Variants in THOC2 observed in about 807,000 individuals in gnomAD.
THOC2 encodes THO complex subunit 2, also known as THO complex 2.
In THOC2, 10 loss-of-function variants were observed where a neutral mutation model predicts 128.4. The ratio of observed to expected loss-of-function variants is 0.08; its 90% CI spans 0.05 to 0.13. The LOEUF (loss-of-function observed/expected upper bound fraction) is 0.13, where lower values mean the gene tolerates loss of function less well. THOC2 is among the 10% of genes least tolerant of loss of function. THOC2 has a pLI of 1.00. For synonymous variants in THOC2, 393 were observed against 396.9 expected (o/e 0.99, Z 0.12); for missense variants, 535 against 1,155.7 (o/e 0.46, Z 7.79).
chrX:123,698,488 T>A (rs1264696830), intron 4 of THOC2, among the ~76,000 whole-genome samples: 1 of 101,880 alleles, frequency 9.8e-6, no homozygotes, highest in Admixed American at 1.1e-4. Flanking sequence ...ATCCTAATAC[T>A]CATGAAGATC....
chrX:123,730,185 T>G (rs1304579187), intron 1 of THOC2, among the ~76,000 whole-genome samples: 5 of 109,196 alleles, frequency 4.6e-5, no homozygotes, highest in Admixed American at 9.7e-5. Context: ...GGTTTTTGTT[T>G]TTTTTTTTTT....
At chrX:123,717,000 A>G (rs935101591) in intron 1 of THOC2, among the ~76,000 whole-genome samples, 14 of 112,047 alleles carry the variant, frequency 1.2e-4, no homozygotes, top group African/African-American at 4.2e-4. Context: ...ATTATATTCA[A>G]TAGTGAAAAG....
chrX:123,703,890 T>TAAAAAAAAAAAAAAAAAAAAAAAA (rs774877149), intron 3 of THOC2, among the ~76,000 whole-genome samples: 1 of 37,029 alleles, frequency 2.7e-5, no homozygotes, highest in African/African-American at 1.5e-4. Context: ...ACTCTGTCTT[T>TAAAAAAAAAAAAAAAAAAAAAAAA]AAAAAAAAAA....
chrX:123,653,220 T>C lies in THOC2; in HGVS notation c.1387-7845A>G, dbSNP rs758353489. The stretch of plus-strand genomic sequence containing the variant: ...GGTGTTGGAAAACTGGCTAGCCATA[T>C]GCAGAAAACTGAAACTGGACCCCTT... On this transcript the variant is annotated intron_variant, in intron 12 of 38. Coordinates refer to ENST00000245838, the MANE Select transcript of THOC2 (RefSeq NM_001081550.2). Among the ~76,000 whole-genome samples, 3 of 112,240 alleles carry C rather than the reference T, an allele frequency of 2.7e-5. No homozygotes were observed. In the East Asian group the frequency reaches 8.4e-4, roughly 31 times the overall value.
In THOC2 at chrX:123,621,267, A is replaced by G. The variant is rs2047073552; in HGVS notation, c.4106T>C (p.Ile1369Thr). ...TTCCTTTGATTTCATTTCCTTTGCT[A>G]TATCTCTTTCTCTGGATGGCTCCTT... The part of the protein sequence containing the change: ...REKEPSRERD[I>T]AKEMKSKENV... Residue 1369 changes from isoleucine to threonine, a missense_variant, in exon 31 of 39, where the codon ATA (isoleucine) becomes ACA (threonine). Physicochemically the swap from Ile to Thr is moderately conservative, Grantham distance 89. This residue lies in a region of THOC2 where 116 missense variants were observed against 180.0 expected (regional missense o/e 0.64). Coordinates refer to ENST00000245838, the MANE Select transcript of THOC2 (RefSeq NM_001081550.2). The G allele has an allele frequency of 8.3e-7, 1 of 1,210,677 alleles. No homozygotes were observed. The highest frequency in any genetic ancestry group is 1.1e-6 in the Non-Finnish European group (1 of 895,168).
At chrX:123,695,417 C>T (rs1023818247) in intron 7 of THOC2, among the ~76,000 whole-genome samples, 2 of 112,195 alleles carry the variant, frequency 1.8e-5, no homozygotes, top group Non-Finnish European at 3.8e-5. Flanking sequence ...AGGAATTCTA[C>T]TTAAAGGGTA....
At chrX:123,615,935 C>T (rs1944257316) in intron 33 of THOC2, among the ~76,000 whole-genome samples, 2 of 110,933 alleles carry the variant, frequency 1.8e-5, no homozygotes, top group African/African-American at 6.5e-5. Flanking sequence ...GAATTAAATG[C>T]ATACCCCTTA....
intron 12 of THOC2, among the ~76,000 whole-genome samples, chrX:123,657,973 G>A (rs1030903735): frequency 9.3e-6 from 1 of 107,302 alleles, no homozygotes; most frequent in African/African-American, 3.5e-5. Context: ...GTGTGTGTGT[G>A]TGTGTGTGTG....
intron 4 of THOC2, among the ~76,000 whole-genome samples, chrX:123,702,579 T>TACAC: frequency 9.5e-6 from 1 of 105,291 alleles, no homozygotes; most frequent in Admixed American, 1.1e-4. Flanking sequence ...TACACATATA[T>TACAC]ATTATATATA....
intron 19 of THOC2, among the ~76,000 whole-genome samples, chrX:123,635,408 G>C (rs1239858642): frequency 9.0e-6 from 1 of 111,679 alleles, no homozygotes; most frequent in Non-Finnish European, 1.9e-5. Flanking sequence ...GGTAATACTT[G>C]TTTGGAACAC....
intron 7 of THOC2, 115 bp downstream of exon 7, chrX:123,695,906 C>T: frequency 2.0e-6 from 1 of 495,063 alleles, no homozygotes. Context: ...TCTCCCATTC[C>T]TTAACTGAAA....
intron 12 of THOC2, among the ~76,000 whole-genome samples, chrX:123,658,935 T>C (rs2048716409): frequency 1.8e-5 from 2 of 112,134 alleles, no homozygotes; most frequent in South Asian, 7.4e-4. Flanking sequence ...CAAATCTTTG[T>C]GCCTTCCTCT....
intron 12 of THOC2, among the ~76,000 whole-genome samples, chrX:123,650,344 T>G (rs2048305827): frequency 8.9e-6 from 1 of 111,929 alleles, no homozygotes; most frequent in South Asian, 3.7e-4. Flanking sequence ...AACCAGCTAC[T>G]GCAAAAACCT....
chrX:123,690,886 C>G (rs2050193807), intron 7 of THOC2, among the ~76,000 whole-genome samples: 1 of 111,786 alleles, frequency 8.9e-6, no homozygotes, highest in African/African-American at 3.2e-5. Flanking sequence ...AAGCAAGAAC[C>G]AATGAATAAC....
chrX:123,686,464 A>T (rs1338201310), intron 8 of THOC2, 84 bp downstream of exon 8: 1 of 810,277 alleles, frequency 1.2e-6, no homozygotes, highest in Non-Finnish European at 1.7e-6. Flanking sequence ...GAGACCAATC[A>T]TTTACAAATA....
chrX:123,667,875 T>C (rs960282857), intron 10 of THOC2, among the ~76,000 whole-genome samples: 1 of 111,205 alleles, frequency 9.0e-6, no homozygotes, highest in Non-Finnish European at 1.9e-5. Flanking sequence ...CTCTTTAGGA[T>C]TTGAGGGCCA....
chrX:123,621,764 C>T (rs1263609419), intron 30 of THOC2, among the ~76,000 whole-genome samples, 177 bp from the exon 31 acceptor site: 2 of 112,097 alleles, frequency 1.8e-5, no homozygotes, highest in African/African-American at 6.5e-5. Context: ...AAGTAATGGT[C>T]GGGTGCAGTG....
At chrX:123,727,734 G>A (rs1333153616) in intron 1 of THOC2, among the ~76,000 whole-genome samples, 1 of 111,928 alleles carries the variant, frequency 8.9e-6, no homozygotes, top group Non-Finnish European at 1.9e-5. Context: ...GTGCCACAGT[G>A]CACACCACCT....
At chrX:123,666,571 C>T (rs1425115112) in intron 11 of THOC2, among the ~76,000 whole-genome samples, 1 of 111,729 alleles carries the variant, frequency 9.0e-6, no homozygotes, top group Non-Finnish European at 1.9e-5. Flanking sequence ...GCTATCAATA[C>T]TGCTCCTAAG....
Sources: gnomAD v4.1 joint callset for allele counts (sites outside exome capture counted in the v4.1 genomes callset) on GRCh38, gnomAD v4.1.1 for gene constraint, gnomAD v4.1.1 regional missense constraint, MANE v1.5 for transcripts, NCBI Gene and HGNC (gene_info 2026-07-23, HGNC 2026-07-21) for gene names.